The following WWOX variants were observed in gnomAD, a reference collection of about 807,000 sequenced individuals.
WWOX encodes WW domain-containing oxidoreductase.
A neutral mutation model predicts 46.2 loss-of-function variants in WWOX; 69 were observed. That is an observed-to-expected ratio of 1.49 (90% CI 1.23 to 1.82). The LOEUF (loss-of-function observed/expected upper bound fraction) is 1.82, where lower values mean the gene tolerates loss of function less well. WWOX is among the 40% of genes most tolerant of loss of function. The pLI is 0.00. For synonymous variants in WWOX, 359 were observed against 202.6 expected (o/e 1.77, Z -6.56); for missense variants, 919 against 542.6 (o/e 1.69, Z -6.89).
Position 78,337,828 on chromosome 16 carries a change from GTTTCCACC to G in WWOX, c.517-49031_517-49024del, listed in dbSNP as rs2080928645. Among the ~76,000 whole-genome samples the G allele has an allele frequency of 8.1e-5, 5 of 61,626 alleles. 1 individual carries two copies. Among genetic ancestry groups the G allele is most frequent in the Admixed American group, 1.5e-4 (1 of 6,862 alleles). The allele number at this position is 61,626 out of a possible 152,430, so 40.4% of individuals were successfully genotyped here. On this transcript the variant is annotated intron_variant, in intron 5 of 8. Transcript: ENST00000566780. ...TTCTTGGCTATCCTATTTCCCTTTT[GTTTCCACC>G]ATGAAGAAGTGGAGAGCCGTGTGAC...
At chr16:78,746,688 C>T (rs1043205450) in intron 8 of WWOX, among the ~76,000 whole-genome samples, 2 of 151,802 alleles carry the variant, frequency 1.3e-5, no homozygotes, top group African/African-American at 2.4e-5. Context: ...TGCATTTTTC[C>T]CATAGCCAAT....
intron 8 of WWOX, among the ~76,000 whole-genome samples, chr16:78,481,392 T>C (rs763099403): frequency 1.3e-5 from 2 of 152,038 alleles, no homozygotes; most frequent in Admixed American, 1.3e-4. Context: ...ATCCTTTCAA[T>C]AGAGGTGAAA....
At chr16:78,773,909 A>G (rs1317525234) in intron 8 of WWOX, among the ~76,000 whole-genome samples, 2 of 152,158 alleles carry the variant, frequency 1.3e-5, no homozygotes, top group Non-Finnish European at 2.9e-5. Context: ...CCAGAATTGG[A>G]ATTTAACACA....
intron 8 of WWOX, among the ~76,000 whole-genome samples, chr16:78,575,055 ATATATATAT>A (rs2044836465): frequency 2.0e-4 from 3 of 15,136 alleles, no homozygotes; most frequent in East Asian, 4.2e-3. Flanking sequence ...ATATATATAT[ATATATATAT>A]ATATATATAT....
chr16:78,389,462 G>T (rs1204696814), intron 6 of WWOX, among the ~76,000 whole-genome samples: 1 of 152,144 alleles, frequency 6.6e-6, no homozygotes, highest in Admixed American at 6.5e-5. Context: ...GTCTGTGGTT[G>T]TTTGGGAGGG....
intron 8 of WWOX, among the ~76,000 whole-genome samples, chr16:78,468,088 T>C (rs1268378345): frequency 6.6e-6 from 1 of 152,146 alleles, no homozygotes; most frequent in African/African-American, 2.4e-5. Context: ...ATTTTCTAAG[T>C]GTCCTCATTG....
chr16:78,203,427 A>G (rs963457331), intron 5 of WWOX, among the ~76,000 whole-genome samples: 8 of 152,340 alleles, frequency 5.3e-5, no homozygotes, highest in South Asian at 2.1e-4. Flanking sequence ...GTTAGGTTGT[A>G]TAATAAATAT....
At chr16:78,164,645 C>G (rs1046225458) in intron 5 of WWOX, among the ~76,000 whole-genome samples, 4 of 152,012 alleles carry the variant, frequency 2.6e-5, no homozygotes, top group Admixed American at 2.0e-4. Flanking sequence ...AGGCTTTAAC[C>G]CTATCTCTAA....
In WWOX at chr16:79,107,932, A is replaced by G. The variant is rs1448984465; in HGVS notation, c.1057-103676A>G. ...TGGAAAATGATTAGGGACATGGTGA[A>G]GTCGTCATAGAATAAAATTAAGTGA... is the stretch of plus-strand genomic sequence containing the variant. On this transcript the variant is annotated intron_variant, in intron 8 of 8. Transcript: ENST00000566780. Among the ~76,000 whole-genome samples, 3 of 152,364 alleles carry G rather than the reference A, an allele frequency of 2.0e-5. No homozygotes were observed. In the East Asian group the frequency reaches 5.8e-4, roughly 29 times the overall value.
At chr16:78,952,503 C>G (rs1335719201) in intron 8 of WWOX, among the ~76,000 whole-genome samples, 3 of 152,010 alleles carry the variant, frequency 2.0e-5, no homozygotes, top group East Asian at 3.9e-4. Context: ...CTGCCTCTGC[C>G]TCCTGAGTAG....
chr16:78,770,667 C>A (rs372971125), intron 8 of WWOX, among the ~76,000 whole-genome samples: 5 of 151,824 alleles, frequency 3.3e-5, no homozygotes, highest in African/African-American at 7.2e-5. Flanking sequence ...CCCCTCCCCC[C>A]CTCCCCGAAG....
intron 8 of WWOX, among the ~76,000 whole-genome samples, chr16:78,604,500 T>C (rs1334069009): frequency 1.3e-5 from 2 of 152,170 alleles, no homozygotes; most frequent in Non-Finnish European, 1.5e-5. Context: ...GACAAAACTT[T>C]CACCATTCTT....
chr16:78,183,587 G>C (rs925462879), intron 5 of WWOX, among the ~76,000 whole-genome samples: 1 of 152,190 alleles, frequency 6.6e-6, no homozygotes, highest in Non-Finnish European at 1.5e-5. Flanking sequence ...CGAACCGTAG[G>C]ATGCTTGTCA....
At chr16:78,328,277 T>C (rs1352980426) in intron 5 of WWOX, among the ~76,000 whole-genome samples, 1 of 152,232 alleles carries the variant, frequency 6.6e-6, no homozygotes, top group East Asian at 1.9e-4. Context: ...TGTCGTGGTC[T>C]TGTTTATAAT....
At chr16:78,368,858 C>A (rs998956033) in intron 5 of WWOX, among the ~76,000 whole-genome samples, 1 of 152,214 alleles carries the variant, frequency 6.6e-6, no homozygotes, top group African/African-American at 2.4e-5. Flanking sequence ...GTGCCCAAAC[C>A]AGCAGGCTGC....
chr16:78,824,665 C>T (rs772728168), intron 8 of WWOX, among the ~76,000 whole-genome samples: 18 of 152,122 alleles, frequency 1.2e-4, no homozygotes, highest in Non-Finnish European at 1.9e-4. Flanking sequence ...AAGAAGCGCA[C>T]GTGAGAACCC....
chr16:78,110,682 G>C (rs1327053016), intron 3 of WWOX, among the ~76,000 whole-genome samples: 1 of 152,126 alleles, frequency 6.6e-6, no homozygotes, highest in African/African-American at 2.4e-5. Flanking sequence ...TATAGCATGA[G>C]CCAGGCCTGA....
At chr16:79,070,600 A>C (rs1453688741) in intron 8 of WWOX, among the ~76,000 whole-genome samples, 1 of 152,162 alleles carries the variant, frequency 6.6e-6, no homozygotes, top group Non-Finnish European at 1.5e-5. Flanking sequence ...CTGGTGCAGC[A>C]GGTAGGCTGC....
intron 8 of WWOX, among the ~76,000 whole-genome samples, chr16:78,513,581 G>T (rs2459109): frequency 1.3e-5 from 2 of 151,996 alleles, no homozygotes; most frequent in African/African-American, 2.4e-5. Context: ...GAATGATCCA[G>T]GGGAAATAGT....
Sources: allele counts gnomAD v4.1 joint callset (sites outside exome capture counted in the v4.1 genomes callset), GRCh38; gene constraint gnomAD v4.1.1; transcripts MANE v1.5; gene names NCBI Gene and HGNC (gene_info 2026-07-23, HGNC 2026-07-21).